Variants in TRPM3 observed in about 807,000 individuals in gnomAD.
The protein encoded by TRPM3 is long transient receptor potential channel 3.
In TRPM3, 77 loss-of-function variants were observed where a neutral mutation model predicts 181.2. The ratio of observed to expected loss-of-function variants is 0.42; its 90% CI spans 0.35 to 0.51. The LOEUF (loss-of-function observed/expected upper bound fraction) is 0.51, where lower values mean the gene tolerates loss of function less well. Among genes scored for constraint, TRPM3 ranks in the 20% least tolerant of loss-of-function variants. TRPM3 has a pLI of 0.01. For synonymous variants in TRPM3, 745 were observed against 796.4 expected (o/e 0.94, Z 1.09); for missense variants, 1,759 against 2,196.7 (o/e 0.80, Z 3.98).
intron 1 of TRPM3, among the ~76,000 whole-genome samples, chr9:71,021,928 A>T (rs1345222253): frequency 6.6e-6 from 1 of 152,216 alleles, no homozygotes; most frequent in Non-Finnish European, 1.5e-5. Flanking sequence ...TCATTGAGAG[A>T]TAAATAGGCA....
chr9:70,890,965 A>G (rs973538271), intron 1 of TRPM3, among the ~76,000 whole-genome samples: 10 of 151,696 alleles, frequency 6.6e-5, no homozygotes, highest in African/African-American at 2.4e-4. Context: ...ACTAACCTAA[A>G]GAATTGTTCA....
At chr9:70,617,222 C>T (rs571374554) in intron 17 of TRPM3, among the ~76,000 whole-genome samples, 2 of 152,170 alleles carry the variant, frequency 1.3e-5, no homozygotes, top group African/African-American at 4.8e-5. Context: ...ACCCTGTCCT[C>T]GGAGCTGAGA....
At chr9:71,112,078 G>T (rs529463037) in intron 1 of TRPM3, among the ~76,000 whole-genome samples, 3 of 152,144 alleles carry the variant, frequency 2.0e-5, no homozygotes, top group Non-Finnish European at 4.4e-5. Context: ...AAATATTTCA[G>T]TTGGGTAGAG....
chr9:71,010,216 CA>C (rs368143984), intron 1 of TRPM3, among the ~76,000 whole-genome samples: 3 of 151,712 alleles, frequency 2.0e-5, no homozygotes, highest in African/African-American at 4.8e-5. Context: ...GCAACAAATG[CA>C]AAAAAGACAA....
At chr9:71,189,882 C>T (rs1241086858) in intron 1 of TRPM3, among the ~76,000 whole-genome samples, 1 of 151,816 alleles carries the variant, frequency 6.6e-6, no homozygotes, top group Non-Finnish European at 1.5e-5. Flanking sequence ...AATCTTCTAT[C>T]TCCAAGACTT....
At chr9:70,548,336 T>G (rs1452002352) in intron 25 of TRPM3, among the ~76,000 whole-genome samples, 1 of 152,234 alleles carries the variant, frequency 6.6e-6, no homozygotes, top group Non-Finnish European at 1.5e-5. Flanking sequence ...CTTTAAACTT[T>G]ATTAGTATTG....
In TRPM3 at chr9:71,101,514, G is replaced by A. The variant is rs544937240; in HGVS notation, c.177+19664C>T. 7.8e-4 allele frequency among the ~76,000 whole-genome samples: 119 copies of A among 152,276 alleles called. 1 individual carries two copies. Among genetic ancestry groups the A allele is most frequent in the African/African-American group, 2.7e-3 (113 of 41,578 alleles). On this transcript the variant is annotated intron_variant, in intron 1 of 25. Coordinates refer to ENST00000677713, the MANE Select transcript of TRPM3 (RefSeq NM_001366145.2). ...AGGAGAGTACAGGGAGTACAGGTAG[G>A]ATGGGATGATTAATTCCCAAGGATT...
chr9:71,130,107 C>A (rs575636047), intron 1 of TRPM3, among the ~76,000 whole-genome samples: 2 of 152,234 alleles, frequency 1.3e-5, no homozygotes, highest in East Asian at 3.9e-4. Flanking sequence ...TTGATTCCTA[C>A]CTGCATTTTC....
intron 1 of TRPM3, among the ~76,000 whole-genome samples, chr9:71,060,242 G>A (rs2061159545): frequency 6.6e-6 from 1 of 152,038 alleles, no homozygotes; most frequent in Non-Finnish European, 1.5e-5. Flanking sequence ...GTGGAAGAAA[G>A]TTAGAAAAGG....
intron 1 of TRPM3, among the ~76,000 whole-genome samples, chr9:71,268,207 A>G (rs1237950352): frequency 2.0e-5 from 3 of 150,674 alleles, no homozygotes; most frequent in Non-Finnish European, 4.4e-5. Flanking sequence ...ATGGTGAAAC[A>G]ATGCCCTACT....
At chr9:71,411,834 C>A (rs1197953808) in intron 1 of TRPM3, among the ~76,000 whole-genome samples, 1 of 152,166 alleles carries the variant, frequency 6.6e-6, no homozygotes, top group South Asian at 2.1e-4. Context: ...ATCATGCTAC[C>A]TGACTTCAAA....
intron 8 of TRPM3, among the ~76,000 whole-genome samples, chr9:70,684,693 G>T (rs2134299031): frequency 6.6e-6 from 1 of 152,280 alleles, no homozygotes; most frequent in African/African-American, 2.4e-5. Flanking sequence ...TTCTTGGAGG[G>T]AATGTGAATT....
intron 1 of TRPM3, among the ~76,000 whole-genome samples, chr9:71,066,922 A>G (rs1459540542): frequency 6.6e-6 from 1 of 152,070 alleles, no homozygotes; most frequent in Non-Finnish European, 1.5e-5. Flanking sequence ...CACATTCATA[A>G]CCCATATCAG....
chr9:70,781,765 A>G (rs1205024401), intron 7 of TRPM3, among the ~76,000 whole-genome samples: 1 of 152,060 alleles, frequency 6.6e-6, no homozygotes, highest in East Asian at 1.9e-4. Context: ...TCTAGGTCCC[A>G]CCCAGTTCTA....
At chr9:70,622,236 C>T (rs569097759) in intron 14 of TRPM3, among the ~76,000 whole-genome samples, 9 of 152,224 alleles carry the variant, frequency 5.9e-5, no homozygotes, top group African/African-American at 1.2e-4. Context: ...TATTGGATTT[C>T]CTACCCTCCA....
chr9:71,041,062 T>C (rs773993576), intron 1 of TRPM3, among the ~76,000 whole-genome samples: 20 of 152,316 alleles, frequency 1.3e-4, no homozygotes, highest in Non-Finnish European at 2.5e-4. Context: ...TAATATTGTA[T>C]TCATGTTAAT....
In TRPM3 at chr9:71,032,447, G is replaced by A. The variant is rs114382716; in HGVS notation, c.177+88731C>T. Among the ~76,000 whole-genome samples the A allele has an allele frequency of 8.3e-3, 1,253 of 151,814 alleles. 13 individuals are homozygous for A. The highest frequency in any genetic ancestry group is 0.028 in the African/African-American group (1,180 of 41,414). ...TTTCTACCACTACACTGAGCTGTATGTGTCTATGTGTGTTTCAAATCTGTT... is the reference window on the plus strand; with the variant it reads ...TTTCTACCACTACACTGAGCTGTATATGTCTATGTGTGTTTCAAATCTGTT... On this transcript the variant is annotated intron_variant, in intron 1 of 25. Coordinates refer to ENST00000677713, the MANE Select transcript of TRPM3 (RefSeq NM_001366145.2).
chr9:70,848,686 G>A (rs2095088192), intron 3 of TRPM3, among the ~76,000 whole-genome samples: 1 of 151,990 alleles, frequency 6.6e-6, no homozygotes, highest in Non-Finnish European at 1.5e-5. Context: ...TGTGTCAAAA[G>A]AAATTACCTG....
At position 70,536,223 on chromosome 9, in the gene TRPM3, G is replaced by A. The variant is rs2041705390; in HGVS notation, c.4890C>T (p.Asn1630=). 1 of 1,614,220 alleles carries A rather than the reference G, an allele frequency of 6.2e-7. No individual in the cohort carries two copies. ...TGTTGTTGGACAGGGTTCTCTCTGA[G>A]TTATCACCCTCCTGGGAGGATATTG... ...TIAISSQEGD[N]SERTLSNNIT... The change falls in exon 26 of 26, where the codon AAC becomes AAT. Residue 1630 remains asparagine, a synonymous_variant. Transcript: ENST00000677713.
Sources: allele counts gnomAD v4.1 joint callset (sites outside exome capture counted in the v4.1 genomes callset), GRCh38; gene constraint gnomAD v4.1.1; transcripts MANE v1.5; gene names NCBI Gene and HGNC (gene_info 2026-07-23, HGNC 2026-07-21).